Variants in TMEM135 observed in about 807,000 individuals in gnomAD.
TMEM135 encodes the protein transmembrane protein 135.
In TMEM135, 30 loss-of-function variants were observed where a neutral mutation model predicts 60.3. The observed-to-expected ratio is 0.50, with a 90% CI of 0.37 to 0.68. The LOEUF is 0.68. TMEM135 is among the 30% of genes least tolerant of loss of function. The probability of loss-of-function intolerance (pLI) is 0.00; values close to 1 mark genes in which losing one functional copy is unlikely to be tolerated. For synonymous variants in TMEM135, 190 were observed against 186.7 expected (o/e 1.02, Z -0.14); for missense variants, 468 against 548.8 (o/e 0.85, Z 1.47).
At chr11:87,126,860 A>G (rs1391286100) in intron 4 of TMEM135, among the ~76,000 whole-genome samples, 1 of 152,122 alleles carries the variant, frequency 6.6e-6, no homozygotes, top group Non-Finnish European at 1.5e-5. Context: ...TATTAGAGTA[A>G]TTTATGATGG....
At position 87,145,324 on chromosome 11, in the gene TMEM135, A is replaced by G. The variant is rs1172735715; in HGVS notation, c.397-12017A>G. On this transcript the variant is annotated intron_variant, in intron 4 of 14. Coordinates refer to ENST00000305494, the MANE Select transcript of TMEM135 (RefSeq NM_022918.4). The stretch of plus-strand genomic sequence containing the variant: ...TACCTCACCTTTTCTTTATCCATTC[A>G]TCTGTTGATGGACACTTAGGTTGAT... Among the ~76,000 whole-genome samples the G allele has an allele frequency of 9.2e-5, 14 of 152,252 alleles. No individual in the cohort carries two copies. The East Asian group carries it at 1.5e-3, about 17-fold the overall frequency.
intron 4 of TMEM135, among the ~76,000 whole-genome samples, chr11:87,094,496 A>G (rs116032519): frequency 0.013 from 1,974 of 152,120 alleles, 55 homozygotes; most frequent in African/African-American, 0.045. Context: ...CCTTTTTTCA[A>G]TACTACTTCT....
At chr11:87,256,291 T>C (rs1293588703) in intron 6 of TMEM135, among the ~76,000 whole-genome samples, 2 of 152,118 alleles carry the variant, frequency 1.3e-5, no homozygotes, top group African/African-American at 2.4e-5. Flanking sequence ...TTCCACCTCA[T>C]TTAGGCTTGA....
intron 9 of TMEM135, among the ~76,000 whole-genome samples, chr11:87,306,837 T>G (rs118096945): frequency 0.036 from 5,508 of 152,064 alleles, 94 homozygotes; most frequent in Admixed American, 0.046. Context: ...TCCCATCTCA[T>G]CCTCCTGAGT....
At chr11:87,210,507 A>G (rs1940341691) in intron 5 of TMEM135, among the ~76,000 whole-genome samples, 1 of 152,156 alleles carries the variant, frequency 6.6e-6, no homozygotes, top group Non-Finnish European at 1.5e-5. Context: ...AGTTCCCAAA[A>G]TTGAATCAGT....
chr11:87,143,532 GCTTTCTTT>G (rs1297277198), intron 4 of TMEM135, among the ~76,000 whole-genome samples: 1 of 151,990 alleles, frequency 6.6e-6, no homozygotes, highest in African/African-American at 2.4e-5. Context: ...GTAGGCTTTT[GCTTTCTTT>G]CACCTGAGCT....
chr11:87,187,386 G>C (rs992835470), intron 5 of TMEM135, among the ~76,000 whole-genome samples: 2 of 152,176 alleles, frequency 1.3e-5, no homozygotes, highest in African/African-American at 4.8e-5. Context: ...AGGGAATGGA[G>C]AAATAGTTAC....
chr11:87,228,409 A>C (rs1029986203), intron 5 of TMEM135, among the ~76,000 whole-genome samples: 2 of 152,220 alleles, frequency 1.3e-5, no homozygotes, highest in African/African-American at 4.8e-5. Flanking sequence ...ACACCAGATT[A>C]ATTTTTGTTG....
At chr11:87,047,146 T>C (rs1160970200) in intron 1 of TMEM135, among the ~76,000 whole-genome samples, 1 of 152,182 alleles carries the variant, frequency 6.6e-6, no homozygotes, top group Non-Finnish European at 1.5e-5. Flanking sequence ...TTCATGCGAT[T>C]TTCCCCTTTG....
intron 4 of TMEM135, among the ~76,000 whole-genome samples, chr11:87,129,051 A>G (rs1937821916): frequency 6.6e-6 from 1 of 151,118 alleles, no homozygotes; most frequent in Non-Finnish European, 1.5e-5. Flanking sequence ...CTTAACTCTA[A>G]ATATGTGGAG....
chr11:87,244,066 G>C (rs1941200890), intron 6 of TMEM135, among the ~76,000 whole-genome samples: 2 of 86,318 alleles, frequency 2.3e-5, no homozygotes, highest in Admixed American at 2.0e-4. Flanking sequence ...ATGAAGAGTT[G>C]TTGAATTTTG....
At chr11:87,141,275 T>G (rs556801513) in intron 4 of TMEM135, among the ~76,000 whole-genome samples, 1 of 152,246 alleles carries the variant, frequency 6.6e-6, no homozygotes, top group South Asian at 2.1e-4. Context: ...ATTTTTCACT[T>G]TTTAGTGTTT....
rs1454176882 is a variant in TMEM135 at position 87,328,013 on chromosome 11, C to G, written c.*6680C>G. 1 of 454,056 alleles carries G rather than the reference C, an allele frequency of 2.2e-6. No homozygotes were observed. The highest frequency in any genetic ancestry group is 7.0e-5 in the East Asian group (1 of 14,382). 28.1% of individuals were successfully genotyped at this position (454,056 alleles called of 1,614,324 possible). A position where few individuals can be genotyped will look rare whatever the true frequency, so the allele number is the denominator to read the frequency against. On this transcript the variant is annotated 3_prime_UTR_variant, in exon 15 of 15. Coordinates refer to ENST00000305494, the MANE Select transcript of TMEM135 (RefSeq NM_022918.4). ...CATGCCAATCTCCTCTGGAAACACC[C>G]TCACAGACACACCCCAAAATAATGC...
chr11:87,247,276 C>T (rs1941302732), intron 6 of TMEM135, among the ~76,000 whole-genome samples: 1 of 152,186 alleles, frequency 6.6e-6, no homozygotes, highest in African/African-American at 2.4e-5. Flanking sequence ...GGGGATGTTT[C>T]CCAGTTAGGC....
At chr11:87,293,434 A>G (rs1298211777) in intron 6 of TMEM135, among the ~76,000 whole-genome samples, 1 of 151,752 alleles carries the variant, frequency 6.6e-6, no homozygotes, top group African/African-American at 2.4e-5. Context: ...CAGAACATGC[A>G]GGTTTGTTAC....
chr11:87,052,932 A>T (rs1949851593), intron 1 of TMEM135, among the ~76,000 whole-genome samples: 1 of 88,362 alleles, frequency 1.1e-5, no homozygotes, highest in Non-Finnish European at 2.2e-5. Flanking sequence ...CAACAATGAT[A>T]GACTGGATTA....
chr11:87,239,106 A>T (rs1031179579), intron 6 of TMEM135, among the ~76,000 whole-genome samples: 1 of 152,030 alleles, frequency 6.6e-6, no homozygotes, highest in African/African-American at 2.4e-5. Context: ...AATCAACCCT[A>T]TAAATATGTG....
chr11:87,208,187 A>T (rs1940280455), intron 5 of TMEM135, among the ~76,000 whole-genome samples: 1 of 152,158 alleles, frequency 6.6e-6, no homozygotes, highest in Admixed American at 6.5e-5. Context: ...TTTACCTCCA[A>T]ACGATCGCAA....
At chr11:87,243,465 T>C (rs1271811165) in intron 6 of TMEM135, among the ~76,000 whole-genome samples, 64 of 125,870 alleles carry the variant, frequency 5.1e-4, no homozygotes, top group South Asian at 3.1e-3. Context: ...TTTCACGATA[T>C]TGATTCTTCC....
Sources: gnomAD v4.1 joint callset for allele counts (sites outside exome capture counted in the v4.1 genomes callset) on GRCh38, gnomAD v4.1.1 for gene constraint, MANE v1.5 for transcripts, NCBI Gene and HGNC (gene_info 2026-07-23, HGNC 2026-07-21) for gene names.